GABRG2: variants seen among roughly 807,000 people sequenced by gnomAD.
GABRG2 encodes the protein gamma-aminobutyric acid type A receptor subunit gamma2, also known as gamma-aminobutyric acid receptor subunit gamma-2.
Under a neutral mutation model 56.4 loss-of-function variants are expected in GABRG2, and 16 were observed. The observed-to-expected ratio is 0.28, with a 90% CI of 0.19 to 0.43. The LOEUF is 0.43. Ranked by LOEUF, GABRG2 falls within the 20% of genes least tolerant of loss-of-function variation. The pLI, the probability that GABRG2 is intolerant of heterozygous loss-of-function variation, is 1.00. For synonymous variants in GABRG2, 208 were observed against 205.5 expected, an observed-to-expected ratio of 1.01 and a Z score of -0.10; for missense variants, 327 against 582.7, an observed-to-expected ratio of 0.56 and a Z score of 4.52.
At chr5:162,142,485 A>G in intron 7 of GABRG2, 169 bp downstream of exon 7, 1 of 689,928 alleles carries the variant, frequency 1.4e-6, no homozygotes, top group South Asian at 1.7e-5. Flanking sequence ...AATAGCAAAG[A>G]CTTGGAACCA....
intron 6 of GABRG2, among the ~76,000 whole-genome samples, chr5:162,137,111 A>G (rs893454516): frequency 6.6e-6 from 1 of 152,100 alleles, no homozygotes; most frequent in Non-Finnish European, 1.5e-5. Context: ...TAATTTGGAA[A>G]TCTTTTATCC....
At chr5:162,141,592 T>C (rs186037610) in intron 6 of GABRG2, among the ~76,000 whole-genome samples, 3 of 152,240 alleles carry the variant, frequency 2.0e-5, no homozygotes, top group Admixed American at 6.5e-5. Context: ...CAAATGAATA[T>C]ACACTTAAAA....
At chr5:162,113,648 C>A (rs1331722877) in intron 6 of GABRG2, among the ~76,000 whole-genome samples, 1 of 152,156 alleles carries the variant, frequency 6.6e-6, no homozygotes. Flanking sequence ...TTGTAATCTG[C>A]CTATACTCAC....
At chr5:162,079,816 T>G (rs1057449861) in intron 1 of GABRG2, among the ~76,000 whole-genome samples, 23 of 152,220 alleles carry the variant, frequency 1.5e-4, no homozygotes, top group African/African-American at 4.3e-4. Flanking sequence ...AGGGTCTCAC[T>G]CTGTCGCCCA....
chr5:162,136,628 C>T (rs776416605), intron 6 of GABRG2, among the ~76,000 whole-genome samples: 5 of 152,064 alleles, frequency 3.3e-5, no homozygotes, highest in Non-Finnish European at 7.4e-5. Context: ...ATTTAATTTA[C>T]TTGTCTAGGG....
intron 1 of GABRG2, among the ~76,000 whole-genome samples, chr5:162,068,848 C>A (rs1758443258): frequency 6.6e-6 from 1 of 152,050 alleles, no homozygotes; most frequent in Admixed American, 6.6e-5. Flanking sequence ...TCTACTCCCT[C>A]CTTGATATGG....
At chr5:162,092,610 T>C (rs1161701495) in intron 1 of GABRG2, among the ~76,000 whole-genome samples, 1 of 152,148 alleles carries the variant, frequency 6.6e-6, no homozygotes, top group Non-Finnish European at 1.5e-5. Flanking sequence ...TATATTTAAC[T>C]ACATTGTACA....
At chr5:162,130,318 G>A (rs1025159312) in intron 6 of GABRG2, among the ~76,000 whole-genome samples, 7 of 151,768 alleles carry the variant, frequency 4.6e-5, no homozygotes, top group African/African-American at 9.7e-5. Flanking sequence ...TGACATCTTG[G>A]GGAACATTTT....
At chr5:162,118,901 C>T (rs1235250157) in intron 6 of GABRG2, among the ~76,000 whole-genome samples, 2 of 152,044 alleles carry the variant, frequency 1.3e-5, no homozygotes, top group Non-Finnish European at 2.9e-5. Flanking sequence ...ATAAAGAATG[C>T]TATACTCAGA....
chr5:162,121,870 C>T lies in GABRG2; in HGVS notation c.769+17844C>T, dbSNP rs146094757. Among the ~76,000 whole-genome samples the T allele has an allele frequency of 4.1e-3, 629 of 151,998 alleles. 5 individuals carry two copies. The highest frequency in any genetic ancestry group is 4.3e-3 in the Non-Finnish European group (291 of 67,914). ...GCATCAATGTGTCCTCTTAAGATCACGGGATTATCATTTAATGTAATTGAA... is the reference window on the plus strand; with the variant it reads ...GCATCAATGTGTCCTCTTAAGATCATGGGATTATCATTTAATGTAATTGAA... On this transcript the variant is annotated intron_variant, in intron 6 of 9. Coordinates refer to ENST00000639213, the MANE Select transcript of GABRG2 (RefSeq NM_198904.4).
intron 3 of GABRG2, 47 bp from the exon 4 acceptor site, chr5:162,097,591 T>G (rs572627800): frequency 7.4e-7 from 1 of 1,344,446 alleles, no homozygotes; most frequent in East Asian, 2.3e-5. Flanking sequence ...TTTAAAAAGA[T>G]AATCTTACTG....
At chr5:162,069,706 A>G (rs760365236) in intron 1 of GABRG2, among the ~76,000 whole-genome samples, 14 of 152,198 alleles carry the variant, frequency 9.2e-5, no homozygotes, top group Non-Finnish European at 1.5e-4. Flanking sequence ...CTTTCTCAGA[A>G]TATGAGAGGG....
chr5:162,105,821 A>ACACG (rs1761780488), intron 6 of GABRG2, among the ~76,000 whole-genome samples: 1 of 129,312 alleles, frequency 7.7e-6, no homozygotes, highest in Non-Finnish European at 1.6e-5. Flanking sequence ...ACATACACAC[A>ACACG]CACACACACA....
chr5:162,073,827 T>C (rs1758868183), intron 1 of GABRG2, among the ~76,000 whole-genome samples: 1 of 151,916 alleles, frequency 6.6e-6, no homozygotes, highest in Admixed American at 6.6e-5. Context: ...ATGAATTAGA[T>C]GAAAAAGATA....
intron 6 of GABRG2, among the ~76,000 whole-genome samples, chr5:162,115,152 G>T (rs1423988253): frequency 6.6e-6 from 1 of 152,060 alleles, no homozygotes; most frequent in African/African-American, 2.4e-5. Flanking sequence ...CCATTTAAAG[G>T]TTTCCATTTT....
At position 162,117,309 on chromosome 5, in the gene GABRG2, T is replaced by C. The variant is rs560819082; in HGVS notation, c.769+13283T>C. Among the ~76,000 whole-genome samples, 3 of 152,184 alleles carry C rather than the reference T, an allele frequency of 2.0e-5. No individual in the cohort carries two copies. In the South Asian group the frequency reaches 6.2e-4, roughly 31 times the overall value. ...TCAATTTTACAGTTATTATTCGGTG[T>C]TAACTTCTAAGAAGCGATAAACCAG... On this transcript the variant is annotated intron_variant, in intron 6 of 9. Coordinates refer to ENST00000639213, the MANE Select transcript of GABRG2 (RefSeq NM_198904.4).
At chr5:162,146,583 T>C (rs1264291777) in intron 7 of GABRG2, among the ~76,000 whole-genome samples, 2 of 151,342 alleles carry the variant, frequency 1.3e-5, no homozygotes, top group South Asian at 2.1e-4. Flanking sequence ...GTATATACTA[T>C]GCATTGGCTC....
intron 6 of GABRG2, among the ~76,000 whole-genome samples, chr5:162,117,557 A>G (rs771987860): frequency 2.4e-4 from 37 of 152,152 alleles, no homozygotes; most frequent in Admixed American, 1.2e-3. Context: ...TTAACAATTG[A>G]GCTACGATTT....
chr5:162,146,176 G>T (rs937527496), intron 7 of GABRG2, among the ~76,000 whole-genome samples: 1 of 151,936 alleles, frequency 6.6e-6, no homozygotes, highest in Non-Finnish European at 1.5e-5. Context: ...CCCCAGTCAG[G>T]AATCTACAAT....
Sources: allele counts gnomAD v4.1 joint callset (sites outside exome capture counted in the v4.1 genomes callset), GRCh38; gene constraint gnomAD v4.1.1; transcripts MANE v1.5; gene names NCBI Gene and HGNC (gene_info 2026-07-23, HGNC 2026-07-21).